Variants in SBF2 observed in about 807,000 individuals in gnomAD.
SBF2 encodes the protein SET binding factor 2.
In SBF2, 112 loss-of-function variants were observed where a neutral mutation model predicts 225.2. The observed-to-expected ratio is 0.50, with a 90% CI of 0.43 to 0.58. SBF2 has a LOEUF of 0.58. SBF2 is among the 20% of genes least tolerant of loss of function. The probability of loss-of-function intolerance (pLI) is 0.00; values close to 1 mark genes in which losing one functional copy is unlikely to be tolerated. For synonymous variants in SBF2, 763 were observed against 773.3 expected (o/e 0.99, Z 0.22); for missense variants, 1,996 against 2,206.2 (o/e 0.90, Z 1.91).
intron 16 of SBF2, among the ~76,000 whole-genome samples, chr11:9,954,497 T>C (rs1866037807): frequency 6.6e-6 from 1 of 152,168 alleles, no homozygotes; most frequent in Non-Finnish European, 1.5e-5. Context: ...CACATGTAAG[T>C]CCATTCATAA....
intron 2 of SBF2, among the ~76,000 whole-genome samples, chr11:10,105,294 A>T (rs1364840641): frequency 2.0e-5 from 3 of 152,228 alleles, no homozygotes; most frequent in African/African-American, 7.2e-5. Context: ...TAAGGGAACA[A>T]ATATGAGAAA....
In SBF2 at chr11:9,846,278, C is replaced by A. The variant is rs573849852; in HGVS notation, c.2935-538G>T. The stretch of plus-strand genomic sequence containing the variant: ...GCAGCCTTACATTTCACACAATTAG[C>A]ATAGAAGCCAATAGGAGAGATCCTT... On this transcript the variant is annotated intron_variant, in intron 23 of 39. Transcript: ENST00000256190. Among the ~76,000 whole-genome samples the A allele has an allele frequency of 1.4e-3, 217 of 152,244 alleles. 1 individual carries two copies. The highest frequency in any genetic ancestry group is 5.0e-3 in the African/African-American group (206 of 41,562).
chr11:10,195,026 T>A (rs749778618), intron 1 of SBF2, among the ~76,000 whole-genome samples: 2 of 152,208 alleles, frequency 1.3e-5, no homozygotes, highest in African/African-American at 2.4e-5. Flanking sequence ...GTTTCAGTTA[T>A]GGGCTATAAA....
intron 6 of SBF2, among the ~76,000 whole-genome samples, chr11:10,012,221 C>T (rs1948485204): frequency 2.0e-5 from 3 of 152,234 alleles, no homozygotes; most frequent in South Asian, 2.1e-4. Flanking sequence ...TCACAGCTCA[C>T]TGCAGCCCCA....
chr11:10,280,169 C>T (rs1963306691), intron 1 of SBF2, among the ~76,000 whole-genome samples: 1 of 152,146 alleles, frequency 6.6e-6, no homozygotes, highest in Non-Finnish European at 1.5e-5. Flanking sequence ...TTTCAGATTT[C>T]AGAGTATTTC....
intron 2 of SBF2, among the ~76,000 whole-genome samples, chr11:10,157,519 TC>T (rs1955535330): frequency 6.6e-6 from 1 of 152,092 alleles, no homozygotes; most frequent in Non-Finnish European, 1.5e-5. Flanking sequence ...AAACTATGCA[TC>T]CAACAAGGTC....
chr11:9,939,754 A>G lies in SBF2; in HGVS notation c.1860+22203T>C, dbSNP rs547605302. ...CTGCCAATACTTATTAACTACAGGT[A>G]TCAGTAAATAAAGACGTATATACAA... On this transcript the variant is annotated intron_variant, in intron 16 of 39. Coordinates refer to ENST00000256190, the MANE Select transcript of SBF2 (RefSeq NM_030962.4). Among the ~76,000 whole-genome samples the G allele has an allele frequency of 2.6e-5, 4 of 152,306 alleles. No individual in the cohort carries two copies. In the South Asian group the frequency reaches 8.3e-4, roughly 32 times the overall value.
chr11:9,791,494 A>C (rs529116027), intron 33 of SBF2, among the ~76,000 whole-genome samples: 19 of 151,842 alleles, frequency 1.3e-4, no homozygotes, highest in African/African-American at 4.3e-4. Flanking sequence ...CCCTAAGACT[A>C]ATTAACAGTT....
chr11:10,095,758 C>T (rs1361536371), intron 2 of SBF2, among the ~76,000 whole-genome samples: 1 of 152,106 alleles, frequency 6.6e-6, no homozygotes, highest in Non-Finnish European at 1.5e-5. Context: ...ATTTTAATCA[C>T]ACGTACTGCT....
intron 29 of SBF2, among the ~76,000 whole-genome samples, chr11:9,814,907 A>C (rs1422599234): frequency 6.6e-6 from 1 of 152,246 alleles, no homozygotes; most frequent in Non-Finnish European, 1.5e-5. Flanking sequence ...GTAAAGGCCA[A>C]ATTCAAGATT....
chr11:10,270,338 T>C (rs1421788535), intron 1 of SBF2, among the ~76,000 whole-genome samples: 1 of 152,154 alleles, frequency 6.6e-6, no homozygotes, highest in Non-Finnish European at 1.5e-5. Context: ...TACATATTGT[T>C]AATGTTTATA....
rs1461028222 is a variant in SBF2, at chr11:10,294,024, C to T, written c.46G>A (p.Glu16Lys). Residue 16 changes from glutamate (E) to lysine (K), a missense_variant, in exon 1 of 40, where the codon GAG (glutamate) becomes AAG (lysine). Physicochemically the swap from Glu to Lys is moderately conservative, Grantham distance 56 (BLOSUM62 1). Transcript: ENST00000256190. ...CGCCCCACACCCTTACCTGGCTTCT[C>T]GTGGTCATAGCCTACCACGATGAAG... ...DYFIVVGYDH[E>K]KPGSGEGLGK... 2.1e-6 allele frequency: 3 copies of T among 1,403,378 alleles called. No individual in the cohort carries two copies. The highest frequency in any genetic ancestry group is 1.6e-5 in the South Asian group (1 of 63,742). The allele number at this position is 1,403,378 out of a possible 1,614,324, so 86.9% of individuals were successfully genotyped here.
intron 2 of SBF2, among the ~76,000 whole-genome samples, chr11:10,067,442 G>A (rs1950668511): frequency 6.6e-6 from 1 of 152,122 alleles, no homozygotes; most frequent in African/African-American, 2.4e-5. Context: ...CAGTGAAAAT[G>A]TAAAGGACCT....
At chr11:9,828,222 C>G in intron 28 of SBF2, 1 of 1,287,622 alleles carries the variant, frequency 7.8e-7, no homozygotes, top group Non-Finnish European at 1.0e-6. Flanking sequence ...CTTTCAGTCC[C>G]TAAAGTCAGC....
chr11:10,132,660 G>A lies in SBF2; in HGVS notation c.141+61242C>T, dbSNP rs1954120064. 1.3e-5 allele frequency among the ~76,000 whole-genome samples: 2 copies of A among 148,966 alleles called. 1 individual carries two copies. The highest frequency in any genetic ancestry group is 3.0e-5 in the Non-Finnish European group (2 of 67,456). On this transcript the variant is annotated intron_variant, in intron 2 of 39. Transcript: ENST00000256190. ...TAAAAGCAGTGTGGACCCAAAGAGTGAGCAGTAGCAAGATTTATTGCAAAG... is the reference window on the plus strand; with the variant it reads ...TAAAAGCAGTGTGGACCCAAAGAGTAAGCAGTAGCAAGATTTATTGCAAAG...
rs75493564 is a variant in SBF2 at position 9,854,411 on chromosome 11, C to T, written c.2364-699G>A. Among the ~76,000 whole-genome samples, 1,040 of 152,200 alleles carry T rather than the reference C, an allele frequency of 6.8e-3. 10 individuals are homozygous for T. The highest frequency in any genetic ancestry group is 0.024 in the African/African-American group (982 of 41,504). On this transcript the variant is annotated intron_variant, in intron 19 of 39. Transcript: ENST00000256190. ...AGCTCTTACTGTTCAACCCATCAGA[C>T]TCTGGGAAAAGACTCATTTGTCTGT...
At chr11:9,921,313 G>A (rs999608834) in intron 16 of SBF2, among the ~76,000 whole-genome samples, 1 of 152,152 alleles carries the variant, frequency 6.6e-6, no homozygotes, top group Admixed American at 6.5e-5. Context: ...CAGGTTATCC[G>A]CCCGCCTGGG....
chr11:9,853,846 C>G, intron 19 of SBF2, 134 bp from the exon 20 acceptor site: 1 of 835,560 alleles, frequency 1.2e-6, no homozygotes, highest in Non-Finnish European at 2.1e-6. Flanking sequence ...CACTTAACTC[C>G]ATGGCTCCTT....
chr11:9,932,136 A>G (rs1222515555), intron 16 of SBF2, among the ~76,000 whole-genome samples: 2 of 152,234 alleles, frequency 1.3e-5, no homozygotes, highest in African/African-American at 4.8e-5. Flanking sequence ...CTAGGTGAAA[A>G]GACCAAATCT....
Sources: allele counts gnomAD v4.1 joint callset (sites outside exome capture counted in the v4.1 genomes callset), GRCh38; gene constraint gnomAD v4.1.1; transcripts MANE v1.5; gene names NCBI Gene and HGNC (gene_info 2026-07-23, HGNC 2026-07-21).